MECOM: variants seen among roughly 807,000 people sequenced by gnomAD.
MECOM encodes the protein histone-lysine N-methyltransferase MECOM.
MECOM carries 13 observed loss-of-function variants against 116.3 expected under a neutral mutation model. That is an observed-to-expected ratio of 0.11 (90% CI 0.07 to 0.18). The LOEUF (loss-of-function observed/expected upper bound fraction) is 0.18, where lower values mean the gene tolerates loss of function less well. Among genes scored for constraint, MECOM ranks in the 10% least tolerant of loss-of-function variants. The probability of loss-of-function intolerance (pLI) is 1.00; values close to 1 mark genes in which losing one functional copy is unlikely to be tolerated. For synonymous variants in MECOM, 528 were observed against 535.2 expected, an observed-to-expected ratio of 0.99 and a Z score of 0.19; for missense variants, 1,299 against 1,509.0, an observed-to-expected ratio of 0.86 and a Z score of 2.31.
At chr3:169,580,410 C>T (rs997961883) in intron 1 of MECOM, among the ~76,000 whole-genome samples, 2 of 152,180 alleles carry the variant, frequency 1.3e-5, no homozygotes, top group African/African-American at 2.4e-5. Flanking sequence ...TTATAGACTA[C>T]TCACAGTCTT....
chr3:169,251,991 T>G (rs567612717), intron 2 of MECOM, among the ~76,000 whole-genome samples: 2 of 152,306 alleles, frequency 1.3e-5, no homozygotes, highest in East Asian at 1.9e-4. Flanking sequence ...GTACATTTAT[T>G]TTATTGAGGT....
chr3:169,648,499 C>G (rs993770978), intron 1 of MECOM, among the ~76,000 whole-genome samples: 1 of 152,196 alleles, frequency 6.6e-6, no homozygotes, highest in Non-Finnish European at 1.5e-5. Context: ...TCATTATCAA[C>G]AGAATACGTA....
chr3:169,269,957 C>G (rs905073810), intron 2 of MECOM, among the ~76,000 whole-genome samples: 12 of 145,478 alleles, frequency 8.2e-5, no homozygotes, highest in Non-Finnish European at 1.5e-5. Flanking sequence ...CAGCTGCATA[C>G]GTATATAAAG....
intron 1 of MECOM, among the ~76,000 whole-genome samples, chr3:169,654,453 G>C (rs564262128): frequency 6.6e-5 from 10 of 152,278 alleles, no homozygotes; most frequent in Admixed American, 4.6e-4. Context: ...CTCAGTTACA[G>C]ATGTACAGGA....
At chr3:169,327,611 A>C (rs895345127) in intron 2 of MECOM, among the ~76,000 whole-genome samples, 8 of 149,964 alleles carry the variant, frequency 5.3e-5, no homozygotes, top group African/African-American at 2.0e-4. Flanking sequence ...GCACTCCAGC[A>C]ATGGTGACGC....
chr3:169,480,552 C>T (rs73174312), intron 1 of MECOM, among the ~76,000 whole-genome samples: 10,744 of 152,120 alleles, frequency 0.071, 652 homozygotes, highest in East Asian at 0.25. Flanking sequence ...TACCTCTTTA[C>T]GTAAATAAGT....
At chr3:169,609,300 C>T (rs1768963748) in intron 1 of MECOM, among the ~76,000 whole-genome samples, 1 of 152,088 alleles carries the variant, frequency 6.6e-6, no homozygotes, top group African/African-American at 2.4e-5. Context: ...TTGCCATATG[C>T]TACTGGGGAC....
intron 9 of MECOM, among the ~76,000 whole-genome samples, chr3:169,112,543 AC>A (rs1727765210): frequency 6.6e-6 from 1 of 152,160 alleles, no homozygotes; most frequent in Non-Finnish European, 1.5e-5. Context: ...ATGCACTTTA[AC>A]TCAATAAACA....
At chr3:169,315,427 C>T (rs1719562965) in intron 2 of MECOM, among the ~76,000 whole-genome samples, 1 of 152,190 alleles carries the variant, frequency 6.6e-6, no homozygotes, top group African/African-American at 2.4e-5. Flanking sequence ...AGTACACAGA[C>T]CGAGACCTTT....
rs138665016 is a variant in MECOM, at chr3:169,230,342, T to C, written c.376-86510A>G. ...ATGGGATATGAAGCATCTTGCCTCC[T>C]TGATGTTATAATAATGCAGTGATTT... is the stretch of plus-strand genomic sequence containing the variant. On this transcript the variant is annotated intron_variant, in intron 2 of 16. Coordinates refer to ENST00000651503, the MANE Select transcript of MECOM (RefSeq NM_004991.4). Among the ~76,000 whole-genome samples, 364 of 152,258 alleles carry C rather than the reference T, an allele frequency of 2.4e-3. 1 individual carries two copies. The highest frequency in any genetic ancestry group is 8.2e-3 in the African/African-American group (340 of 41,562).
At chr3:169,529,228 C>T (rs886435331) in intron 1 of MECOM, among the ~76,000 whole-genome samples, 2 of 151,860 alleles carry the variant, frequency 1.3e-5, no homozygotes, top group Non-Finnish European at 2.9e-5. Context: ...TCACAATCCA[C>T]CAGGGACTAT....
intron 2 of MECOM, among the ~76,000 whole-genome samples, chr3:169,160,476 G>T (rs1315734397): frequency 6.7e-6 from 1 of 149,922 alleles, no homozygotes; most frequent in African/African-American, 2.4e-5. Flanking sequence ...TGACTACAGG[G>T]TGTAACTTTT....
At chr3:169,514,642 T>A (rs1181256051) in intron 1 of MECOM, among the ~76,000 whole-genome samples, 1 of 152,202 alleles carries the variant, frequency 6.6e-6, no homozygotes, top group African/African-American at 2.4e-5. Context: ...CTAGATTTGA[T>A]TGTAAAAATG....
chr3:169,483,034 A>T (rs377262615), intron 1 of MECOM, among the ~76,000 whole-genome samples: 67 of 152,078 alleles, frequency 4.4e-4, no homozygotes, highest in African/African-American at 1.6e-3. Context: ...TGGGTCAATA[A>T]ATCTTGGTAT....
chr3:169,430,278 C>T (rs1320869658), intron 1 of MECOM, among the ~76,000 whole-genome samples: 1 of 152,038 alleles, frequency 6.6e-6, no homozygotes, highest in African/African-American at 2.4e-5. Flanking sequence ...AAGCTGCATC[C>T]TATGTTATAT....
At chr3:169,250,628 CTG>C (rs1756137304) in intron 2 of MECOM, among the ~76,000 whole-genome samples, 1 of 152,140 alleles carries the variant, frequency 6.6e-6, no homozygotes, top group Non-Finnish European at 1.5e-5. Context: ...ATAAGTAACA[CTG>C]TAGTTTATTA....
intron 2 of MECOM, among the ~76,000 whole-genome samples, chr3:169,370,007 T>C (rs1331022852): frequency 6.6e-6 from 1 of 152,034 alleles, no homozygotes; most frequent in African/African-American, 2.4e-5. Context: ...GTTAAGAGTA[T>C]GCAACACGTC....
intron 1 of MECOM, among the ~76,000 whole-genome samples, chr3:169,550,817 T>A (rs111820168): frequency 7.6e-6 from 1 of 132,276 alleles, no homozygotes. Flanking sequence ...CAGGTTCCCT[T>A]TCCTTTTTTT....
At chr3:169,345,542 A>G (rs1725208023) in intron 2 of MECOM, among the ~76,000 whole-genome samples, 1 of 152,156 alleles carries the variant, frequency 6.6e-6, no homozygotes, top group Non-Finnish European at 1.5e-5. Context: ...CCTCAGCACA[A>G]CAGGAGACTT....
Sources: allele counts gnomAD v4.1 joint callset (sites outside exome capture counted in the v4.1 genomes callset), GRCh38; gene constraint gnomAD v4.1.1; transcripts MANE v1.5; gene names NCBI Gene and HGNC (gene_info 2026-07-23, HGNC 2026-07-21).